GSDMC: variants seen among roughly 807,000 people sequenced by gnomAD.
The protein encoded by GSDMC is gasdermin C, also known as gasdermin-C.
In GSDMC, 59 loss-of-function variants were observed where a neutral mutation model predicts 58.0. That is an observed-to-expected ratio of 1.02 (90% CI 0.82 to 1.26). The LOEUF (loss-of-function observed/expected upper bound fraction) is 1.26, where lower values mean the gene tolerates loss of function less well. Among genes scored for constraint, GSDMC ranks in the 50% most tolerant of loss-of-function variants. The pLI is 0.00. For synonymous variants in GSDMC, 241 were observed against 220.2 expected (o/e 1.09, Z -0.83); for missense variants, 659 against 598.5 (o/e 1.10, Z -1.06).
At chr8:129,711,223 A>G in the GSDMC span, among the ~76,000 whole-genome samples, 1 of 152,234 alleles carries the variant, frequency 6.6e-6, no homozygotes, top group South Asian at 2.1e-4. Flanking sequence ...GTGTACAATC[A>G]TGCCACCTTA....
chr8:129,750,647 T>C, intron 10 of GSDMC, 77 bp from the exon 11 acceptor site: 1 of 1,459,444 alleles, frequency 6.9e-7, no homozygotes, highest in South Asian at 1.2e-5. Context: ...GACAGCCTGT[T>C]TGCACGAATA....
the GSDMC span, among the ~76,000 whole-genome samples, chr8:129,723,183 C>T: frequency 6.6e-6 from 1 of 152,220 alleles, no homozygotes; most frequent in Non-Finnish European, 1.5e-5. Flanking sequence ...CTGACCTTGA[C>T]ACTCACCCTC....
chr8:129,730,193 C>T, the GSDMC span: 2 of 1,194,958 alleles, frequency 1.7e-6, no homozygotes, highest in Non-Finnish European at 2.3e-6. Context: ...AACTGTACAA[C>T]ATGTATCTAG....
downstream of GSDMC, among the ~76,000 whole-genome samples, chr8:129,746,740 C>T (rs915106142): frequency 6.6e-5 from 10 of 152,108 alleles, no homozygotes; most frequent in African/African-American, 1.4e-4. Flanking sequence ...AATAAGTCAA[C>T]GGGAGACCTT....
chr8:129,743,339 T>C (rs989722784), downstream of GSDMC, among the ~76,000 whole-genome samples: 1 of 152,198 alleles, frequency 6.6e-6, no homozygotes, highest in African/African-American at 2.4e-5. Flanking sequence ...TATCATTCCA[T>C]CTGCATTACC....
chr8:129,763,423 G>A (rs2033745283), intron 4 of GSDMC, among the ~76,000 whole-genome samples: 1 of 152,160 alleles, frequency 6.6e-6, no homozygotes, highest in South Asian at 2.1e-4. Context: ...CATGCCTTCA[G>A]TGGACACTTT....
intron 3 of GSDMC, among the ~76,000 whole-genome samples, chr8:129,775,582 T>C (rs1374218574): frequency 6.6e-6 from 1 of 152,170 alleles, no homozygotes; most frequent in African/African-American, 2.4e-5. Context: ...CTTTTCACAA[T>C]ATATACATAC....
chr8:129,749,982 A>G lies in GSDMC; in HGVS notation c.1213+8T>C, dbSNP rs761649963. On this transcript the variant is annotated splice_region_variant and intron_variant, in intron 12 of 13. Transcript: ENST00000276708. The stretch of plus-strand genomic sequence containing the variant: ...GATTCTCCCATTCTTCCCTTTAATT[A>G]CTCTTACCCATTATGGCTTCAAGGA... 2 of 1,575,824 alleles carry G rather than the reference A, an allele frequency of 1.3e-6. No individual in the cohort carries two copies. The highest frequency in any genetic ancestry group is 2.3e-5 in the East Asian group (1 of 44,430).
At chr8:129,716,259 A>G in the GSDMC span, among the ~76,000 whole-genome samples, 3 of 152,364 alleles carry the variant, frequency 2.0e-5, no homozygotes, top group Non-Finnish European at 4.4e-5. Flanking sequence ...GCTTTCTACA[A>G]GAAATGTACT....
chr8:129,721,707 T>C, the GSDMC span, among the ~76,000 whole-genome samples: 3 of 152,340 alleles, frequency 2.0e-5, no homozygotes, highest in South Asian at 6.2e-4. Context: ...GCTCTAGTTC[T>C]CTCTGACTTG....
chr8:129,721,345 G>A, the GSDMC span, among the ~76,000 whole-genome samples: 1 of 152,078 alleles, frequency 6.6e-6, no homozygotes, highest in Non-Finnish European at 1.5e-5. Flanking sequence ...TCATTTTCCT[G>A]ACTTCTTTGT....
At chr8:129,744,964 C>A (rs2032931099), downstream of GSDMC, among the ~76,000 whole-genome samples, 3 of 152,170 alleles carry the variant, frequency 2.0e-5, no homozygotes, top group Non-Finnish European at 4.4e-5. Flanking sequence ...TAGATGAGAC[C>A]TAGAGAGGTC....
chr8:129,709,089 T>C, the GSDMC span, among the ~76,000 whole-genome samples: 1 of 152,200 alleles, frequency 6.6e-6, no homozygotes, highest in Non-Finnish European at 1.5e-5. Context: ...GAAGTATTCC[T>C]GCTGTCTGTG....
chr8:129,752,983 T>G, intron 6 of GSDMC, 163 bp from the exon 7 acceptor site: 1 of 1,291,504 alleles, frequency 7.7e-7, no homozygotes, highest in South Asian at 1.5e-5. Flanking sequence ...ATTCCTTCTT[T>G]CAGAACTCAA....
At chr8:129,717,851 G>T in the GSDMC span, among the ~76,000 whole-genome samples, 1 of 152,044 alleles carries the variant, frequency 6.6e-6, no homozygotes, top group Non-Finnish European at 1.5e-5. Flanking sequence ...CAGAACAGAG[G>T]CCTCAGAAAT....
intron 4 of GSDMC, among the ~76,000 whole-genome samples, chr8:129,764,115 G>C (rs931838464): frequency 7.9e-5 from 12 of 151,804 alleles, no homozygotes; most frequent in African/African-American, 2.7e-4. Context: ...TGTTGTTTTT[G>C]TTTCCTCTAA....
chr8:129,776,954 G>C (rs1444334387), intron 2 of GSDMC, among the ~76,000 whole-genome samples: 3 of 149,122 alleles, frequency 2.0e-5, no homozygotes, highest in Non-Finnish European at 4.4e-5. Context: ...ATTTTTAATA[G>C]AGACAGGGTT....
Position 129,748,410 on chromosome 8 carries a change from CA to C in GSDMC, c.*90del. 6 of 1,308,044 alleles carry C rather than the reference CA, an allele frequency of 4.6e-6. No homozygotes were observed. The highest frequency in any genetic ancestry group is 1.5e-5 in the African/African-American group (1 of 66,098). 81.0% of individuals were successfully genotyped at this position (1,308,044 alleles called of 1,614,324 possible). On this transcript the variant is annotated 3_prime_UTR_variant, in exon 14 of 14. Transcript: ENST00000276708. ...TACTCCACCTGGAAACGCAGAGAGG[CA>C]CAGCCCTATCTCTTGCACCCATAAG...
chr8:129,734,164 A>G, the GSDMC span, among the ~76,000 whole-genome samples: 1 of 152,204 alleles, frequency 6.6e-6, no homozygotes, highest in African/African-American at 2.4e-5. Context: ...TCCAAGAAAT[A>G]TGGGACTATG....
Sources: allele counts gnomAD v4.1 joint callset (sites outside exome capture counted in the v4.1 genomes callset), GRCh38; gene constraint gnomAD v4.1.1; transcripts MANE v1.5; gene names NCBI Gene and HGNC (gene_info 2026-07-23, HGNC 2026-07-21).